DACH2: variants seen among roughly 807,000 people sequenced by gnomAD.
The protein encoded by DACH2 is dachshund family transcription factor 2.
Under a neutral mutation model 35.8 loss-of-function variants are expected in DACH2, and 17 were observed. The ratio of observed to expected loss-of-function variants is 0.48; its 90% CI spans 0.33 to 0.71. The LOEUF (loss-of-function observed/expected upper bound fraction) is 0.71, where lower values mean the gene tolerates loss of function less well. DACH2 is among the 30% of genes least tolerant of loss of function. The pLI is 0.02. For missense variants in DACH2, 469 were observed against 472.7 expected, an observed-to-expected ratio of 0.99 and a Z score of 0.07; for synonymous variants, 195 against 177.3, an observed-to-expected ratio of 1.10 and a Z score of -0.79.
intron 2 of DACH2, among the ~76,000 whole-genome samples, chrX:86,383,280 A>T (rs749884705): frequency 5.6e-4 from 62 of 109,981 alleles, no homozygotes; most frequent in African/African-American, 1.9e-3. Context: ...TCATTAAAAA[A>T]TATATTGCAG....
intron 2 of DACH2, among the ~76,000 whole-genome samples, chrX:86,439,398 A>G (rs1434981133): frequency 3.6e-5 from 4 of 111,716 alleles, no homozygotes; most frequent in African/African-American, 9.8e-5. Context: ...TAAGTTTTTT[A>G]GTTTAAGATA....
chrX:86,536,182 A>G (rs184336932), intron 3 of DACH2, among the ~76,000 whole-genome samples: 134 of 110,707 alleles, frequency 1.2e-3, no homozygotes, highest in African/African-American at 4.3e-3. Context: ...ACAAATTCTG[A>G]TGTTAGGAAT....
At chrX:86,272,304 T>C (rs2033829429) in intron 1 of DACH2, among the ~76,000 whole-genome samples, 1 of 110,243 alleles carries the variant, frequency 9.1e-6, no homozygotes, top group African/African-American at 3.3e-5. Flanking sequence ...AATAGTGCTG[T>C]AAATATACTA....
At chrX:86,203,013 AT>A (rs2032195957) in intron 1 of DACH2, among the ~76,000 whole-genome samples, 1 of 111,134 alleles carries the variant, frequency 9.0e-6, no homozygotes, top group African/African-American at 3.3e-5. Flanking sequence ...CTAGGCTGCC[AT>A]TCCAGTAACA....
chrX:86,169,602 G>C (rs1247261405), intron 1 of DACH2, among the ~76,000 whole-genome samples: 1 of 109,748 alleles, frequency 9.1e-6, no homozygotes, highest in East Asian at 2.9e-4. Context: ...TGTCTCCTCT[G>C]TGTATTTTCA....
chrX:86,171,556 G>A (rs191694669), intron 1 of DACH2, among the ~76,000 whole-genome samples: 3 of 111,601 alleles, frequency 2.7e-5, no homozygotes, highest in East Asian at 5.7e-4. Context: ...CCTCTTACTA[G>A]GGCTGGTTTA....
chrX:86,594,622 G>A (rs936415627), intron 3 of DACH2, among the ~76,000 whole-genome samples: 6 of 111,193 alleles, frequency 5.4e-5, no homozygotes, highest in African/African-American at 1.6e-4. Context: ...ACATATTGGG[G>A]TTTTCCAGGT....
chrX:86,504,095 T>G (rs1366558364), intron 2 of DACH2, among the ~76,000 whole-genome samples: 2 of 111,127 alleles, frequency 1.8e-5, no homozygotes, highest in Non-Finnish European at 3.8e-5. Flanking sequence ...GTTGGTTGTT[T>G]TTTTTTCCTT....
intron 1 of DACH2, among the ~76,000 whole-genome samples, chrX:86,291,533 C>T (rs1487213784): frequency 3.7e-5 from 4 of 107,391 alleles, no homozygotes; most frequent in Admixed American, 1.0e-4. Context: ...CCAGTTTTTG[C>T]CCATTCAGTA....
intron 1 of DACH2, among the ~76,000 whole-genome samples, chrX:86,340,551 C>T (rs2035395683): frequency 9.0e-6 from 1 of 111,050 alleles, no homozygotes; most frequent in African/African-American, 3.3e-5. Flanking sequence ...TCCAAGTAAA[C>T]ACCCAACAAT....
chrX:86,188,147 C>T (rs2031734592), intron 1 of DACH2, among the ~76,000 whole-genome samples: 1 of 111,998 alleles, frequency 8.9e-6, no homozygotes. Flanking sequence ...GTAGCAATTG[C>T]CAAATAACAA....
chrX:86,822,095 C>G (rs2042518605), intron 11 of DACH2, among the ~76,000 whole-genome samples: 2 of 111,508 alleles, frequency 1.8e-5, no homozygotes, highest in Admixed American at 9.5e-5. Context: ...CCTAGGTATA[C>G]CTGAAGGACA....
At chrX:86,487,828 T>C (rs960747763) in intron 2 of DACH2, among the ~76,000 whole-genome samples, 5 of 111,958 alleles carry the variant, frequency 4.5e-5, no homozygotes, top group Non-Finnish European at 7.5e-5. Context: ...CTCCACGAAG[T>C]AAAAGGTGCA....
chrX:86,432,615 A>C (rs2037002626), intron 2 of DACH2, among the ~76,000 whole-genome samples: 1 of 112,003 alleles, frequency 8.9e-6, no homozygotes, highest in Non-Finnish European at 1.9e-5. Context: ...CCAGACTTAC[A>C]TGTGACACTA....
At chrX:86,652,576 CT>C (rs984951172) in intron 4 of DACH2, among the ~76,000 whole-genome samples, 2 of 112,080 alleles carry the variant, frequency 1.8e-5, no homozygotes, top group African/African-American at 6.5e-5. Flanking sequence ...AATGTATAAA[CT>C]TTCCCCTTTC....
At chrX:86,184,838 G>T (rs2031633601) in intron 1 of DACH2, among the ~76,000 whole-genome samples, 1 of 111,012 alleles carries the variant, frequency 9.0e-6, no homozygotes, top group Non-Finnish European at 1.9e-5. Flanking sequence ...ACACAACATG[G>T]AACAATTAAG....
intron 2 of DACH2, among the ~76,000 whole-genome samples, chrX:86,389,070 C>A (rs2157402): frequency 0.2 from 22,539 of 110,078 alleles, 1,980 homozygotes; most frequent in Admixed American, 0.33. Context: ...ATTCCCTGAC[C>A]CCACACCTGA....
intron 7 of DACH2, among the ~76,000 whole-genome samples, chrX:86,775,262 G>C (rs1305255646): frequency 2.7e-5 from 3 of 111,131 alleles, no homozygotes; most frequent in Non-Finnish European, 5.7e-5. Flanking sequence ...AGGTGTTTTA[G>C]TTCAGGGGTC....
rs191355898 is a variant in DACH2, at chrX:86,488,853, A to C, written c.528-25426A>C. 2.1e-3 allele frequency among the ~76,000 whole-genome samples: 237 copies of C among 111,841 alleles called. 1 individual carries two copies. Among genetic ancestry groups the C allele is most frequent in the African/African-American group, 7.1e-3 (220 of 30,909 alleles). ...TGTTGTTCAAAGTATTAAATGAGTC[A>C]ATATATATAAAAAATTCAGAAAAAT... is the stretch of plus-strand genomic sequence containing the variant. On this transcript the variant is annotated intron_variant, in intron 2 of 11. Transcript: ENST00000373125.
Sources: gnomAD v4.1 joint callset for allele counts (sites outside exome capture counted in the v4.1 genomes callset) on GRCh38, gnomAD v4.1.1 for gene constraint, MANE v1.5 for transcripts, NCBI Gene and HGNC (gene_info 2026-07-23, HGNC 2026-07-21) for gene names.